NTM: variants seen among roughly 807,000 people sequenced by gnomAD.
NTM encodes the protein IgLON family member 2.
A neutral mutation model predicts 42.1 loss-of-function variants in NTM; 13 were observed. The observed-to-expected ratio is 0.31, with a 90% CI of 0.20 to 0.49. The LOEUF (loss-of-function observed/expected upper bound fraction) is 0.49, where lower values mean the gene tolerates loss of function less well. Among genes scored for constraint, NTM ranks in the 20% least tolerant of loss-of-function variants. The probability of loss-of-function intolerance (pLI) is 0.99; values close to 1 mark genes in which losing one functional copy is unlikely to be tolerated. For synonymous variants in NTM, 187 were observed against 179.2 expected (o/e 1.04, Z -0.35); for missense variants, 373 against 452.8 (o/e 0.82, Z 1.60).
intron 1 of NTM, among the ~76,000 whole-genome samples, chr11:131,503,678 A>C (rs2047120011): frequency 7.1e-6 from 1 of 140,898 alleles, no homozygotes; most frequent in Admixed American, 7.1e-5. Context: ...ACACTCCACT[A>C]TGCCTGGCTA....
chr11:131,649,594 C>T (rs1312790926), intron 1 of NTM, among the ~76,000 whole-genome samples: 1 of 152,104 alleles, frequency 6.6e-6, no homozygotes, highest in Non-Finnish European at 1.5e-5. Flanking sequence ...ACTAGAGTTC[C>T]ATAAGGTCAA....
At chr11:132,124,622 TGC>T (rs912279184) in intron 2 of NTM, among the ~76,000 whole-genome samples, 1 of 152,124 alleles carries the variant, frequency 6.6e-6, no homozygotes, top group Non-Finnish European at 1.5e-5. Flanking sequence ...TGTGTGTGTG[TGC>T]GCGCGCACGC....
In NTM at chr11:132,019,564, C is replaced by T. The variant is rs146297409; in HGVS notation, c.167+107916C>T. Among the ~76,000 whole-genome samples the T allele has an allele frequency of 1.7e-4, 26 of 152,014 alleles. No homozygotes were observed. In the East Asian group the frequency reaches 5.0e-3, roughly 29 times the overall value. Reference sequence around the variant, plus strand: ...GAACTCTTTTATCATACTGAAATATCCCAGCTTGTCTTTGAAATAGTTCTA... The same window carrying T: ...GAACTCTTTTATCATACTGAAATATTCCAGCTTGTCTTTGAAATAGTTCTA... On this transcript the variant is annotated intron_variant, in intron 2 of 8. Transcript: ENST00000683400.
At chr11:131,880,872 G>A (rs190521767) in intron 1 of NTM, among the ~76,000 whole-genome samples, 274 of 152,038 alleles carry the variant, frequency 1.8e-3, no homozygotes, top group Non-Finnish European at 3.2e-3. Flanking sequence ...AACTCTGATA[G>A]GTGCTAATCC....
chr11:132,137,611 A>C (rs2068204271), intron 2 of NTM, among the ~76,000 whole-genome samples: 1 of 152,194 alleles, frequency 6.6e-6, no homozygotes, highest in South Asian at 2.1e-4. Flanking sequence ...ATGAAGGTGC[A>C]GCCAAGGTGT....
chr11:131,697,409 C>T (rs2075587668), intron 1 of NTM, among the ~76,000 whole-genome samples: 1 of 152,208 alleles, frequency 6.6e-6, no homozygotes, highest in Non-Finnish European at 1.5e-5. Flanking sequence ...ATTTTCCATG[C>T]CCAGGACCTT....
chr11:131,826,561 T>G (rs1384076142), intron 1 of NTM, among the ~76,000 whole-genome samples: 1 of 69,216 alleles, frequency 1.4e-5, no homozygotes, highest in East Asian at 6.3e-4. Flanking sequence ...GGTCGTAATA[T>G]TCTAAAAAAA....
At chr11:131,894,005 T>G (rs2051812722) in intron 1 of NTM, among the ~76,000 whole-genome samples, 1 of 152,206 alleles carries the variant, frequency 6.6e-6, no homozygotes, top group African/African-American at 2.4e-5. Context: ...AAGGTGAATA[T>G]CTGGCATTTT....
intron 3 of NTM, among the ~76,000 whole-genome samples, chr11:132,161,144 C>T (rs1591912328): frequency 6.6e-6 from 1 of 151,978 alleles, no homozygotes; most frequent in Admixed American, 6.5e-5. Flanking sequence ...GGCTCCTCAG[C>T]GGAGGTGAGG....
chr11:132,238,879 G>C (rs2089628094), intron 4 of NTM, among the ~76,000 whole-genome samples: 1 of 152,186 alleles, frequency 6.6e-6, no homozygotes, highest in Non-Finnish European at 1.5e-5. Flanking sequence ...TGATGTTGCA[G>C]GTCCACAGCA....
chr11:132,253,395 A>G (rs2092170582), intron 4 of NTM, among the ~76,000 whole-genome samples: 1 of 152,208 alleles, frequency 6.6e-6, no homozygotes, highest in Non-Finnish European at 1.5e-5. Flanking sequence ...AGGTCTGGCT[A>G]ACTCTAACAT....
At chr11:131,749,055 A>G (rs1254755160) in intron 1 of NTM, among the ~76,000 whole-genome samples, 2 of 152,230 alleles carry the variant, frequency 1.3e-5, no homozygotes, top group Non-Finnish European at 1.5e-5. Flanking sequence ...TAAATAATCA[A>G]CACTCTTTGG....
chr11:132,085,459 T>C (rs2136327676), intron 2 of NTM, among the ~76,000 whole-genome samples: 1 of 152,318 alleles, frequency 6.6e-6, no homozygotes, highest in South Asian at 2.1e-4. Flanking sequence ...AAAGAAGCAG[T>C]TTATAACCTT....
intron 1 of NTM, among the ~76,000 whole-genome samples, chr11:131,435,846 G>C (rs1006005091): frequency 6.6e-6 from 1 of 152,176 alleles, no homozygotes; most frequent in Admixed American, 6.5e-5. Flanking sequence ...GGTGAAAGAG[G>C]GCATCCCTGC....
chr11:132,166,259 T>C (rs2075264947), intron 3 of NTM, among the ~76,000 whole-genome samples: 1 of 152,158 alleles, frequency 6.6e-6, no homozygotes, highest in Admixed American at 6.5e-5. Flanking sequence ...ACTAGACCTA[T>C]AATGTCAGTT....
intron 1 of NTM, among the ~76,000 whole-genome samples, chr11:131,833,645 C>T (rs1237218299): frequency 1.3e-5 from 2 of 152,166 alleles, no homozygotes. Flanking sequence ...TATTCAGTGA[C>T]ATGAACACAC....
At chr11:131,965,385 G>A (rs1316992832) in intron 2 of NTM, among the ~76,000 whole-genome samples, 3 of 152,152 alleles carry the variant, frequency 2.0e-5, no homozygotes, top group Non-Finnish European at 4.4e-5. Flanking sequence ...TAAAATAAGG[G>A]TTGTAAGAAA....
chr11:132,240,079 A>C (rs1039932756), intron 4 of NTM, among the ~76,000 whole-genome samples: 1 of 152,056 alleles, frequency 6.6e-6, no homozygotes, highest in Non-Finnish European at 1.5e-5. Context: ...CCATCCATCC[A>C]TCCATCCATC....
intron 1 of NTM, among the ~76,000 whole-genome samples, chr11:131,874,025 AATATAAT>A (rs1216375848): frequency 1.3e-5 from 1 of 75,448 alleles, no homozygotes; most frequent in Non-Finnish European, 2.9e-5. Context: ...TATATAATAT[AATATAAT>A]ATATATATAT....
Sources: allele counts gnomAD v4.1 joint callset (sites outside exome capture counted in the v4.1 genomes callset), GRCh38; gene constraint gnomAD v4.1.1; transcripts MANE v1.5; gene names NCBI Gene and HGNC (gene_info 2026-07-23, HGNC 2026-07-21).